The following CHD5 variants were observed in gnomAD, a reference collection of about 807,000 sequenced individuals.
CHD5 encodes the protein ATP-dependent chromatin remodeler CHD5.
In CHD5, 69 loss-of-function variants were observed where a neutral mutation model predicts 230.3. The observed-to-expected ratio is 0.30, with a 90% CI of 0.25 to 0.37. CHD5 has a LOEUF of 0.37. CHD5 is among the 10% of genes least tolerant of loss of function. The pLI is 1.00. For missense variants in CHD5, 1,827 were observed against 2,622.8 expected (o/e 0.70, Z 6.63); for synonymous variants, 1,064 against 1,065.9 (o/e 1.00, Z 0.03).
At chr1:6,148,264 G>T (rs1352538487) in intron 9 of CHD5, among the ~76,000 whole-genome samples, 1 of 152,062 alleles carries the variant, frequency 6.6e-6, no homozygotes, top group Admixed American at 6.5e-5. Flanking sequence ...TGACTGGGGG[G>T]TGACGGATGG....
rs1666752620 is a variant in CHD5, at chr1:6,136,777, G to C, written c.2525C>G (p.Ala842Gly). ...GTGGGCCTCATCTACCACCAGGCAG[G>C]CCCACTCGATGGAGCCCAGGATGGC... ...DQAILGSIEW[A>G]CLVVDEAHRL... Residue 842 changes from alanine (A) to glycine (G), a missense_variant, in exon 16 of 42, where the codon GCC becomes GGC. Physicochemically the swap from Ala to Gly is moderately conservative, Grantham distance 60. This residue lies in a region of CHD5 where 52 missense variants were observed against 164.5 expected (regional missense o/e 0.32). Coordinates refer to ENST00000262450, the MANE Select transcript of CHD5 (RefSeq NM_015557.3). The C allele has an allele frequency of 1.7e-5, 28 of 1,613,784 alleles. No individual in the cohort carries two copies. The highest frequency in any genetic ancestry group is 2.4e-5 in the Non-Finnish European group (28 of 1,179,732).
At position 6,134,607 on chromosome 1, in the gene CHD5, C is replaced by G. The variant is rs917581019; in HGVS notation, c.3012+111G>C. The G allele has an allele frequency of 2.5e-6, 3 of 1,196,232 alleles. No individual in the cohort carries two copies. Among genetic ancestry groups the G allele is most frequent in the Non-Finnish European group, 2.4e-6 (2 of 818,178 alleles). 74.1% of individuals were successfully genotyped at this position (1,196,232 alleles called of 1,614,324 possible). A position where few individuals can be genotyped will look rare whatever the true frequency, so the allele number is the denominator to read the frequency against. ...CTACCATGACAGCCACAGAAATCGC[C>G]ACAATGGCCAGGAGAACCTATCACA... On this transcript the variant is annotated intron_variant, in intron 19 of 41. Transcript: ENST00000262450. This position sits in a 1 kb window ranked among gnomAD's most constrained non-coding sequence, Gnocchi z 6.3.
Position 6,155,550 on chromosome 1 carries a change from C to T in CHD5, c.506+49G>A, listed in dbSNP as rs1327126220. ...CCTCTGCCTCCCTCCCGACTTGGTA[C>T]CACCAGAGGATGTGCGGGCCTGGAG... On this transcript the variant is annotated intron_variant, in intron 4 of 41. Coordinates refer to ENST00000262450, the MANE Select transcript of CHD5 (RefSeq NM_015557.3). The surrounding 1 kb of genome is among the most constrained non-coding windows in gnomAD (Gnocchi z 4.0). 1.3e-6 allele frequency: 2 copies of T among 1,497,510 alleles called. No homozygotes were observed. The highest frequency in any genetic ancestry group is 2.8e-5 in the African/African-American group (2 of 72,206). The allele number at this position is 1,497,510 out of a possible 1,614,324, so 92.8% of individuals were successfully genotyped here.
At chr1:6,172,339 T>G (rs1667351469) in intron 1 of CHD5, among the ~76,000 whole-genome samples, 1 of 152,122 alleles carries the variant, frequency 6.6e-6, no homozygotes, top group African/African-American at 2.4e-5. Context: ...CTTTATTTAT[T>G]TATTTATTTA....
At chr1:6,115,173 T>A (rs1666360188) in intron 33 of CHD5, among the ~76,000 whole-genome samples, 1 of 151,500 alleles carries the variant, frequency 6.6e-6, no homozygotes, top group Non-Finnish European at 1.5e-5. Context: ...TTAGCCAGAC[T>A]TCGTTAGCCG....
At chr1:6,168,313 A>G (rs774030870) in intron 1 of CHD5, 36 bp from the exon 2 acceptor site, 1 of 1,572,914 alleles carries the variant, frequency 6.4e-7, no homozygotes, top group South Asian at 1.1e-5. Flanking sequence ...GTTACTCCTG[A>G]GCTTCCTCCA....
intron 1 of CHD5, among the ~76,000 whole-genome samples, chr1:6,171,367 T>C (rs1242505533): frequency 1.3e-5 from 2 of 152,078 alleles, no homozygotes; most frequent in African/African-American, 4.8e-5. Flanking sequence ...GAAACCCACC[T>C]CTGAGAAGGC....
chr1:6,139,704 CT>C (rs1261948781), intron 15 of CHD5, among the ~76,000 whole-genome samples: 1 of 152,204 alleles, frequency 6.6e-6, no homozygotes, highest in African/African-American at 2.4e-5. Flanking sequence ...GTGCACACCA[CT>C]GTGCCCAGCT....
intron 6 of CHD5, 37 bp downstream of exon 6, chr1:6,152,375 C>T (rs1571162707): frequency 1.3e-6 from 2 of 1,594,424 alleles, no homozygotes; most frequent in African/African-American, 1.3e-5. Flanking sequence ...CACATGCATG[C>T]AAATGCACAC....
rs1454247867 is a variant in CHD5 at position 6,102,271 on chromosome 1, TAAAG to T, written c.*3199_*3202del. Reference sequence around the variant, plus strand: ...TTGTTTAAAAAAAAAATCTGAAAATTAAAGAAAAAAAAAACACAACGCCAGTGAG... The same window carrying T: ...TTGTTTAAAAAAAAAATCTGAAAATTAAAAAAAAAACACAACGCCAGTGAG... On this transcript the variant is annotated 3_prime_UTR_variant, in exon 42 of 42. Transcript: ENST00000262450. 2.0e-5 allele frequency: 3 copies of T among 153,246 alleles called. No individual in the cohort carries two copies. In the Admixed American group the frequency reaches 2.0e-4, roughly 10 times the overall value. 9.5% of individuals were successfully genotyped at this position (153,246 alleles called of 1,614,324 possible). A position where few individuals can be genotyped will look rare whatever the true frequency, so the allele number is the denominator to read the frequency against.
In CHD5 at chr1:6,128,168, C is replaced by A; in HGVS notation, c.3781G>T (p.Ala1261Ser). ...TTCCGGTCCAGCAGCTTGGAGATGG[C>A]CGCATCGTCATAGTGGATCACACTG... ...DSSVIHYDDA[A>S]ISKLLDRNQD... The change falls in exon 25 of 42, where the codon GCC becomes TCC. Residue 1261 changes from alanine (A) to serine (S), a missense_variant. This residue lies in a region of CHD5 where 137 missense variants were observed against 272.7 expected (regional missense o/e 0.50). Coordinates refer to ENST00000262450, the MANE Select transcript of CHD5 (RefSeq NM_015557.3). The surrounding 1 kb of genome is among the most constrained non-coding windows in gnomAD (Gnocchi z 7.8). The A allele has an allele frequency of 6.2e-7, 1 of 1,614,150 alleles. No individual in the cohort carries two copies.
chr1:6,120,386 C>A (rs1666449304), intron 33 of CHD5, among the ~76,000 whole-genome samples: 1 of 151,836 alleles, frequency 6.6e-6, no homozygotes, highest in Admixed American at 6.6e-5. Flanking sequence ...AAGTTAAAGA[C>A]CAACGGGCAA....
rs1666257401 is a variant in CHD5 at position 6,109,888 on chromosome 1, G to A, written c.5485C>T (p.Leu1829=). The A allele has an allele frequency of 1.9e-6, 3 of 1,612,512 alleles. No homozygotes were observed. The highest frequency in any genetic ancestry group is 2.7e-5 in the African/African-American group (2 of 74,888). ...TCGGCGAGGCACTCCACTTCAGCCAGGCGGGCGTTGAGGGCCATGGCGGGG... is the reference window on the plus strand; with the variant it reads ...TCGGCGAGGCACTCCACTTCAGCCAAGCGGGCGTTGAGGGCCATGGCGGGG... The part of the protein sequence containing the change: ...NHPAMALNAR[L]AEVECLAESH... Residue 1829 remains leucine (L), a synonymous_variant, in exon 38 of 42, where the codon CTG becomes TTG. Coordinates refer to ENST00000262450, the MANE Select transcript of CHD5 (RefSeq NM_015557.3).
intron 12 of CHD5, 35 bp from the exon 13 acceptor site, chr1:6,143,966 T>C (rs1666871459): frequency 6.2e-7 from 1 of 1,613,988 alleles, no homozygotes. Context: ...TGAGCAAGGC[T>C]CAGCCCAGGA....
At chr1:6,150,154 GGAT>G (rs1307053994) in intron 7 of CHD5, among the ~76,000 whole-genome samples, 3 of 149,594 alleles carry the variant, frequency 2.0e-5, no homozygotes, top group South Asian at 4.2e-4. Context: ...GTGGACAAAT[GGAT>G]GATGGATGGA....
At position 6,121,103 on chromosome 1, in the gene CHD5, A is replaced by G; in HGVS notation, c.4912+2T>C. ...GGTGGGTGGCCTGCAAGAAGCCCCA[A>G]CCTCTCGGCAGCTGCTCCGGGGAGG... On this transcript the variant is annotated splice_donor_variant, in intron 33 of 41. Transcript: ENST00000262450. LOFTEE classifies it high-confidence loss of function. This position sits in a 1 kb window ranked among gnomAD's most constrained non-coding sequence, Gnocchi z 4.5. The G allele has an allele frequency of 6.3e-7, 1 of 1,589,744 alleles. No homozygotes were observed. Among genetic ancestry groups the G allele is most frequent in the Non-Finnish European group, 8.6e-7 (1 of 1,169,480 alleles).
In CHD5 at chr1:6,129,666, ATG is replaced by A. The variant is rs562634308; in HGVS notation, c.3387+536_3387+537del. On this transcript the variant is annotated intron_variant, in intron 22 of 41. Transcript: ENST00000262450. This position sits in a 1 kb window ranked among gnomAD's most constrained non-coding sequence, Gnocchi z 6.8. The stretch of plus-strand genomic sequence containing the variant: ...GTTCCCCTACATTTGTAAGCATTCA[ATG>A]TGTGTGTCCCAGCGCCCGAGAGGGG... 5.2e-4 allele frequency among the ~76,000 whole-genome samples: 79 copies of A among 152,234 alleles called. No homozygotes were observed. Among genetic ancestry groups the A allele is most frequent in the African/African-American group, 1.8e-3 (75 of 41,532 alleles).
intron 33 of CHD5, among the ~76,000 whole-genome samples, chr1:6,116,767 A>C (rs910773090): frequency 6.6e-6 from 1 of 152,262 alleles, no homozygotes; most frequent in African/African-American, 2.4e-5. Flanking sequence ...TACCATTCCC[A>C]AAAAAATTGC....
At chr1:6,164,838 GAGA>G (rs1407128275) in intron 2 of CHD5, among the ~76,000 whole-genome samples, 2 of 152,176 alleles carry the variant, frequency 1.3e-5, no homozygotes, top group Admixed American at 6.5e-5. Flanking sequence ...TCTCAGTAGA[GAGA>G]AGGAGAGAGG....
Sources: allele counts gnomAD v4.1 joint callset (sites outside exome capture counted in the v4.1 genomes callset), GRCh38; gene constraint gnomAD v4.1.1; regional missense constraint gnomAD v4.1.1; non-coding constraint Gnocchi (gnomAD v3.1); transcripts MANE v1.5; gene names NCBI Gene and HGNC (gene_info 2026-07-23, HGNC 2026-07-21).